CNOT3: variants seen among roughly 807,000 people sequenced by gnomAD.
CNOT3 encodes the protein CCR4-associated factor 3.
Under a neutral mutation model 89.4 loss-of-function variants are expected in CNOT3, and 2 were observed. That is an observed-to-expected ratio of 0.02 (90% CI 0.01 to 0.07). CNOT3 has a LOEUF of 0.07. CNOT3 is among the 10% of genes least tolerant of loss of function. CNOT3 has a pLI of 1.00. For missense variants in CNOT3, 664 were observed against 1,010.2 expected (o/e 0.66, Z 4.65); for synonymous variants, 486 against 402.0 (o/e 1.21, Z -2.50).
At chr19:54,143,836 C>T in intron 5 of CNOT3, 87 bp downstream of exon 5, 3 of 1,484,914 alleles carry the variant, frequency 2.0e-6, no homozygotes, top group South Asian at 1.2e-5. Flanking sequence ...GCGGCCAGAC[C>T]CCAGAGGTCC....
intron 10 of CNOT3, among the ~76,000 whole-genome samples, chr19:54,147,871 G>T (rs1248009231): frequency 6.6e-6 from 1 of 152,328 alleles, no homozygotes; most frequent in South Asian, 2.1e-4. Context: ...AACCTAAGTT[G>T]TGTGTCAGAT....
At position 54,153,813 on chromosome 19, in the gene CNOT3, C is replaced by T. The variant is rs2146794719; in HGVS notation, c.2136C>T (p.Pro712=). The change falls in exon 17 of 18, where the codon CCC becomes CCT. Residue 712 remains proline (P), a synonymous_variant. Transcript: ENST00000221232. ...TGTGGTTCCAGAGGCACGAGGAGCC[C>T]AAGACCATCACTGACGAGTTTGAGC... The part of the protein sequence containing the change: ...YMMWFQRHEE[P]KTITDEFEQG... 1.2e-6 allele frequency: 2 copies of T among 1,614,220 alleles called. No individual in the cohort carries two copies. Among genetic ancestry groups the T allele is most frequent in the Non-Finnish European group, 1.7e-6 (2 of 1,180,032 alleles).
intron 17 of CNOT3, chr19:54,154,707 A>G (rs932909997): frequency 1.3e-5 from 2 of 153,436 alleles, no homozygotes; most frequent in Admixed American, 6.5e-5. Context: ...CACTTAAGAC[A>G]TTCATTTAGA....
intron 12 of CNOT3, among the ~76,000 whole-genome samples, chr19:54,149,162 C>A (rs1474257162): frequency 6.6e-6 from 1 of 152,168 alleles, no homozygotes; most frequent in Non-Finnish European, 1.5e-5. Context: ...CTGCCTGTTT[C>A]CCGAAGAATG....
rs587671631 is a variant in CNOT3, at chr19:54,145,214, C to T, written c.484-384C>T. On this transcript the variant is annotated intron_variant, in intron 7 of 17. Coordinates refer to ENST00000221232, the MANE Select transcript of CNOT3 (RefSeq NM_014516.4). This position sits in a 1 kb window ranked among gnomAD's most constrained non-coding sequence, Gnocchi z 5.9. ...TATCATTGTTACTGCTGGAGCAGGT[C>T]GGAGGGTATCTGTATGCCAGAGGCA... Among the ~76,000 whole-genome samples, 5 of 152,174 alleles carry T rather than the reference C, an allele frequency of 3.3e-5. No individual in the cohort carries two copies. The East Asian group carries it at 7.7e-4, about 24-fold the overall frequency.
At chr19:54,138,522 C>T (rs1246524506) in intron 1 of CNOT3, among the ~76,000 whole-genome samples, 2 of 151,690 alleles carry the variant, frequency 1.3e-5, no homozygotes, top group South Asian at 4.2e-4. Context: ...GGGTGGTGGT[C>T]GGGACGAGGA....
chr19:54,142,773 G>A (rs1186252691), intron 1 of CNOT3, 156 bp from the exon 2 acceptor site: 7 of 628,868 alleles, frequency 1.1e-5, no homozygotes, highest in Admixed American at 9.6e-5. Flanking sequence ...GCAGTCAAGC[G>A]AGCATCAGGA....
chr19:54,146,411 G>C (rs916787583), intron 9 of CNOT3, among the ~76,000 whole-genome samples, 190 bp from the exon 10 acceptor site: 3 of 152,128 alleles, frequency 2.0e-5, no homozygotes, highest in African/African-American at 4.8e-5. Context: ...CTGGCTCCCA[G>C]AAAACAAGAA....
chr19:54,142,704 G>A lies in CNOT3; in HGVS notation c.-50-225G>A, dbSNP rs1380003503. The A allele has an allele frequency of 1.4e-5, 8 of 589,506 alleles. No individual in the cohort carries two copies. The African/African-American group carries it at 1.5e-4, about 11-fold the overall frequency. The allele number at this position is 589,506 out of a possible 1,614,324, so 36.5% of individuals were successfully genotyped here. Reference sequence around the variant, plus strand: ...GAGTCAGAGGCACACAAAAAAGTATGTAACTTTTCTTGTTTCAACAAACTT... The same window carrying A: ...GAGTCAGAGGCACACAAAAAAGTATATAACTTTTCTTGTTTCAACAAACTT... On this transcript the variant is annotated intron_variant, in intron 1 of 17. Transcript: ENST00000221232.
chr19:54,143,520 AG>A lies in CNOT3; in HGVS notation c.168+9del. 2 of 1,613,934 alleles carry A rather than the reference AG, an allele frequency of 1.2e-6. No individual in the cohort carries two copies. The highest frequency in any genetic ancestry group is 1.7e-6 in the Non-Finnish European group (2 of 1,179,970). On this transcript the variant is annotated splice_donor_5th_base_variant and intron_variant, in intron 4 of 17. Coordinates refer to ENST00000221232, the MANE Select transcript of CNOT3 (RefSeq NM_014516.4). ...GAAGGAGATTAAGAAGCTACAAGTGAGGGGGCTGGGGGCCTGGACGCCTTTG... is the reference window on the plus strand; with the variant it reads ...GAAGGAGATTAAGAAGCTACAAGTGAGGGGCTGGGGGCCTGGACGCCTTTG...
chr19:54,144,155 G>A lies in CNOT3; in HGVS notation c.387+21G>A, dbSNP rs368786335. On this transcript the variant is annotated intron_variant, in intron 6 of 17. Coordinates refer to ENST00000221232, the MANE Select transcript of CNOT3 (RefSeq NM_014516.4). The surrounding 1 kb of genome is among the most constrained non-coding windows in gnomAD (Gnocchi z 4.8). ...TCACGGTGAGTTGGGGTAGAGAAGA[G>A]GAGGTGAACTCTGAGGATCCTGAGC... 118 of 1,608,658 alleles carry A rather than the reference G, an allele frequency of 7.3e-5. 1 individual carries two copies. The highest frequency in any genetic ancestry group is 1.7e-4 in the Middle Eastern group (1 of 6,052).
At chr19:54,154,094 G>A (rs1461045561) in intron 17 of CNOT3, 5 of 685,714 alleles carry the variant, frequency 7.3e-6, no homozygotes, top group Middle Eastern at 2.3e-4. Context: ...CCTTCCTGGA[G>A]CCACCCAGCC....
At chr19:54,153,608 G>T in intron 16 of CNOT3, 107 bp from the exon 17 acceptor site, 2 of 846,786 alleles carry the variant, frequency 2.4e-6, no homozygotes, top group Non-Finnish European at 4.2e-6. Context: ...CCCAACTGTG[G>T]TCTGTGGCGG....
intron 3 of CNOT3, 82 bp from the exon 4 acceptor site, chr19:54,143,360 C>A (rs587714364): frequency 4.1e-6 from 6 of 1,460,094 alleles, no homozygotes; most frequent in East Asian, 4.5e-5. Flanking sequence ...GTCCTCGAGT[C>A]CCTAGCATAA....
Position 54,152,324 on chromosome 19 carries a change from A to G in CNOT3, c.1704A>G (p.Arg568=). ...TGCCAACGCTGCACCTGACCGAGCG[A>G]GGTGAGGGACCCAGGATGGTGGGGA... ...DPVPTLHLTE[R]DIILSSTSAP... Residue 568 remains arginine, a splice_region_variant and synonymous_variant, in exon 14 of 18, where the codon CGA becomes CGG. Transcript: ENST00000221232. 1.2e-6 allele frequency: 2 copies of G among 1,614,132 alleles called. No individual in the cohort carries two copies. The highest frequency in any genetic ancestry group is 1.7e-6 in the Non-Finnish European group (2 of 1,179,990).
chr19:54,153,237 C>T (rs746811818), intron 16 of CNOT3: 3 of 763,276 alleles, frequency 3.9e-6, no homozygotes, highest in African/African-American at 3.4e-5. Flanking sequence ...TGAGGCACAC[C>T]TCAGCCCCGC....
intron 3 of CNOT3, 74 bp downstream of exon 3, chr19:54,143,260 G>T: frequency 7.2e-7 from 1 of 1,387,978 alleles, no homozygotes; most frequent in Non-Finnish European, 1.0e-6. Context: ...GGACCTCTGG[G>T]TGTTGACCAG....
chr19:54,155,276 G>A lies in CNOT3; in HGVS notation c.2164-33G>A, dbSNP rs200681035. 7.8e-5 allele frequency: 126 copies of A among 1,610,398 alleles called. No individual in the cohort carries two copies. In the African/African-American group the frequency reaches 1.1e-3, roughly 13 times the overall value. ...GGCCCAGATCCCAGACCACCTCCTC[G>A]TCCACTCACTGACCGCCTTCTCCCC... On this transcript the variant is annotated intron_variant, in intron 17 of 17. Coordinates refer to ENST00000221232, the MANE Select transcript of CNOT3 (RefSeq NM_014516.4).
At chr19:54,146,377 C>A (rs1374344100) in intron 9 of CNOT3, among the ~76,000 whole-genome samples, 1 of 152,120 alleles carries the variant, frequency 6.6e-6, no homozygotes, top group Non-Finnish European at 1.5e-5. Flanking sequence ...GTTCCCAGAT[C>A]CTTAAGAGGC....
Sources: allele counts gnomAD v4.1 joint callset (sites outside exome capture counted in the v4.1 genomes callset), GRCh38; gene constraint gnomAD v4.1.1; non-coding constraint Gnocchi (gnomAD v3.1); transcripts MANE v1.5; gene names NCBI Gene and HGNC (gene_info 2026-07-23, HGNC 2026-07-21).